RASGRP3: variants seen among roughly 807,000 people sequenced by gnomAD.
The protein encoded by RASGRP3 is RAS guanyl releasing protein 3, also known as ras guanyl-releasing protein 3.
In RASGRP3, 54 loss-of-function variants were observed where a neutral mutation model predicts 82.7. The observed-to-expected ratio is 0.65, with a 90% CI of 0.52 to 0.82. The LOEUF (loss-of-function observed/expected upper bound fraction) is 0.82, where lower values mean the gene tolerates loss of function less well. RASGRP3 is among the 40% of genes least tolerant of loss of function. The pLI is 0.00. For missense variants in RASGRP3, 861 were observed against 828.9 expected (o/e 1.04, Z -0.48); for synonymous variants, 309 against 300.5 (o/e 1.03, Z -0.29).
chr2:33,558,066 A>G, intron 15 of RASGRP3, 145 bp from the exon 16 acceptor site: 2 of 1,085,772 alleles, frequency 1.8e-6, no homozygotes, highest in Non-Finnish European at 2.6e-6. Flanking sequence ...GATCCTAGAC[A>G]CACCCCATGG....
In RASGRP3 at chr2:33,558,393, T is replaced by A. The variant is rs1173490565; in HGVS notation, c.1705+57T>A. ...TCTCTTTCTGCTTGCCTCCTCACAC[T>A]TGGACCTCATTTAGGTTCTGGGTCT... On this transcript the variant is annotated intron_variant, in intron 16 of 17. Coordinates refer to ENST00000403687, the MANE Select transcript of RASGRP3 (RefSeq NM_001139488.2). The A allele has an allele frequency of 9.3e-6, 15 of 1,609,734 alleles. No homozygotes were observed. The Admixed American group carries it at 2.5e-4, about 27-fold the overall frequency.
intron 13 of RASGRP3, among the ~76,000 whole-genome samples, chr2:33,547,213 C>G (rs139864997): frequency 6.6e-6 from 1 of 151,926 alleles, no homozygotes; most frequent in Non-Finnish European, 1.5e-5. Context: ...GATGAGAACT[C>G]AAGAACACAA....
intron 2 of RASGRP3, among the ~76,000 whole-genome samples, chr2:33,462,073 T>C (rs1330472204): frequency 1.3e-5 from 2 of 152,224 alleles, no homozygotes; most frequent in Non-Finnish European, 2.9e-5. Flanking sequence ...TTTAGAATTA[T>C]GTACAATGTT....
chr2:33,544,456 G>A (rs1558510848), intron 13 of RASGRP3, among the ~76,000 whole-genome samples: 1 of 151,840 alleles, frequency 6.6e-6, no homozygotes, highest in Non-Finnish European at 1.5e-5. Context: ...AGCGTCAAAT[G>A]ATTCCTAAAA....
intron 9 of RASGRP3, among the ~76,000 whole-genome samples, chr2:33,526,339 G>A (rs1157975009): frequency 6.6e-6 from 1 of 152,328 alleles, no homozygotes; most frequent in East Asian, 1.9e-4. Context: ...TCTGGTTGCT[G>A]TGAAGCAACC....
At chr2:33,496,871 ACAAAC>A in intron 1 of RASGRP3, among the ~76,000 whole-genome samples, 1 of 152,094 alleles carries the variant, frequency 6.6e-6, no homozygotes, top group Non-Finnish European at 1.5e-5. Flanking sequence ...AGAAAACAAA[ACAAAC>A]CAACAAAAAA....
intron 2 of RASGRP3, among the ~76,000 whole-genome samples, chr2:33,464,025 A>C (rs1666530989): frequency 6.6e-6 from 1 of 151,594 alleles, no homozygotes; most frequent in African/African-American, 2.4e-5. Flanking sequence ...AAGCAAGTCT[A>C]CTAGGACCAT....
chr2:33,516,831 T>C, intron 4 of RASGRP3, 187 bp downstream of exon 4: 1 of 447,612 alleles, frequency 2.2e-6, no homozygotes. Context: ...TGACTCTCCA[T>C]CTGGATGTTT....
rs569574326 is a variant in RASGRP3, at chr2:33,514,769, G to T, written c.-127-241G>T. ...CATTGCATTAAAAAATTTCAGCAGT[G>T]AAGTGGGATGGTATATAACAGGGAA... On this transcript the variant is annotated intron_variant, in intron 2 of 17. Coordinates refer to ENST00000403687, the MANE Select transcript of RASGRP3 (RefSeq NM_001139488.2). Among the ~76,000 whole-genome samples, 3 of 152,210 alleles carry T rather than the reference G, an allele frequency of 2.0e-5. No homozygotes were observed. The South Asian group carries it at 6.2e-4, about 32-fold the overall frequency.
At chr2:33,449,530 G>T (rs561396455) in intron 2 of RASGRP3, among the ~76,000 whole-genome samples, 1 of 152,150 alleles carries the variant, frequency 6.6e-6, no homozygotes, top group Non-Finnish European at 1.5e-5. Flanking sequence ...GGGAGGCCGA[G>T]GGGGGCAGAC....
intron 1 of RASGRP3, among the ~76,000 whole-genome samples, chr2:33,484,906 C>G (rs1668240298): frequency 6.6e-6 from 1 of 152,080 alleles, no homozygotes; most frequent in Non-Finnish European, 1.5e-5. Flanking sequence ...TGTGTTAAAA[C>G]TGATGCCCTT....
At chr2:33,467,048 A>G (rs573521305) in intron 2 of RASGRP3, among the ~76,000 whole-genome samples, 38 of 145,922 alleles carry the variant, frequency 2.6e-4, no homozygotes, top group African/African-American at 9.9e-4. Context: ...TTAGCTTATT[A>G]TATATTAGTA....
chr2:33,543,468 C>A, intron 12 of RASGRP3, 44 bp from the exon 13 acceptor site: 3 of 1,262,294 alleles, frequency 2.4e-6, no homozygotes, highest in Non-Finnish European at 2.3e-6. Flanking sequence ...AAGTTCAGAG[C>A]CTGCCTTATA....
intron 13 of RASGRP3, among the ~76,000 whole-genome samples, chr2:33,547,665 C>T (rs1170029660): frequency 1.3e-5 from 2 of 152,090 alleles, no homozygotes; most frequent in Non-Finnish European, 2.9e-5. Context: ...GAGATTAAGT[C>T]TTCAGCCCCA....
chr2:33,533,890 G>A (rs556938501), intron 10 of RASGRP3: 1 of 169,330 alleles, frequency 5.9e-6, no homozygotes, highest in East Asian at 1.6e-4. Context: ...GCCTCACTAG[G>A]ACTTAGCACA....
In RASGRP3 at chr2:33,550,149, A is replaced by G. The variant is rs78935434; in HGVS notation, c.1542+398A>G. Among the ~76,000 whole-genome samples the G allele has an allele frequency of 7.0e-3, 1,061 of 152,312 alleles. 14 individuals carry two copies. The highest frequency in any genetic ancestry group is 0.022 in the African/African-American group (927 of 41,570). On this transcript the variant is annotated intron_variant, in intron 14 of 17. Transcript: ENST00000403687. Reference sequence around the variant, plus strand: ...TTAGTGACCAGAAATCCGTCATGGCATGGTTCAATAATTCACAACTCAAAA... The same window carrying G: ...TTAGTGACCAGAAATCCGTCATGGCGTGGTTCAATAATTCACAACTCAAAA...
intron 1 of RASGRP3, among the ~76,000 whole-genome samples, chr2:33,486,734 T>A (rs549753059): frequency 3.0e-4 from 45 of 152,196 alleles, no homozygotes; most frequent in African/African-American, 1.1e-3. Context: ...TTAAGCTGGG[T>A]ATAAAAGGAT....
At chr2:33,537,330 C>CCCCCCACA (rs66749495) in intron 11 of RASGRP3, among the ~76,000 whole-genome samples, 45 of 95,652 alleles carry the variant, frequency 4.7e-4, no homozygotes, top group South Asian at 1.3e-3. Flanking sequence ...ACCGCCCCCC[C>CCCCCCACA]CACACACACA....
At chr2:33,451,588 CTATTT>C (rs1387865411) in intron 2 of RASGRP3, among the ~76,000 whole-genome samples, 2 of 152,034 alleles carry the variant, frequency 1.3e-5, no homozygotes, top group Non-Finnish European at 2.9e-5. Context: ...AAGTTTTAAT[CTATTT>C]TGAGTTCATT....
Sources: allele counts gnomAD v4.1 joint callset (sites outside exome capture counted in the v4.1 genomes callset), GRCh38; gene constraint gnomAD v4.1.1; transcripts MANE v1.5; gene names NCBI Gene and HGNC (gene_info 2026-07-23, HGNC 2026-07-21).